CPNE2: variants seen among roughly 807,000 people sequenced by gnomAD.
CPNE2 encodes copine-2.
In CPNE2, 42 loss-of-function variants were observed where a neutral mutation model predicts 69.7. The observed-to-expected ratio is 0.60, with a 90% CI of 0.47 to 0.78. The LOEUF is 0.78. Ranked by LOEUF, CPNE2 falls within the 30% of genes least tolerant of loss-of-function variation. The pLI is 0.00. For missense variants in CPNE2, 587 were observed against 732.0 expected, an observed-to-expected ratio of 0.80 and a Z score of 2.29; for synonymous variants, 294 against 289.8, an observed-to-expected ratio of 1.01 and a Z score of -0.15.
At chr16:57,105,013 G>C (rs2069639453) in intron 1 of CPNE2, among the ~76,000 whole-genome samples, 2 of 152,284 alleles carry the variant, frequency 1.3e-5, no homozygotes, top group South Asian at 4.1e-4. Flanking sequence ...CCTGGATGAG[G>C]AGGTCACAGG....
At chr16:57,116,278 A>G (rs2069718673) in intron 4 of CPNE2, among the ~76,000 whole-genome samples, 1 of 151,874 alleles carries the variant, frequency 6.6e-6, no homozygotes, top group Admixed American at 6.6e-5. Flanking sequence ...TTCAAAGCAA[A>G]CTGAATTCTT....
chr16:57,113,559 T>A, intron 3 of CPNE2, 92 bp downstream of exon 3: 2 of 1,335,896 alleles, frequency 1.5e-6, no homozygotes, highest in Non-Finnish European at 2.0e-6. Context: ...CCTAGCCCCA[T>A]CTTCCTGGGT....
intron 9 of CPNE2, among the ~76,000 whole-genome samples, chr16:57,123,028 G>C (rs772430802): frequency 2.0e-4 from 30 of 152,060 alleles, no homozygotes; most frequent in African/African-American, 7.2e-4. Flanking sequence ...ACTTCTAGAG[G>C]AAGGCCTTGA....
chr16:57,093,595 C>G (rs1401023380), intron 1 of CPNE2, among the ~76,000 whole-genome samples: 1 of 152,104 alleles, frequency 6.6e-6, no homozygotes, highest in Non-Finnish European at 1.5e-5. Flanking sequence ...TGTGATTTGC[C>G]CAAGGTCACA....
In CPNE2 at chr16:57,129,306, C is replaced by T. The variant is rs141871494; in HGVS notation, c.1116+1403C>T. ...GCTGCTGAGTGGGGCGTGGCTAGGG[C>T]GAGAGTGGGCAGAGTGGAGGGTGGA... On this transcript the variant is annotated intron_variant, in intron 12 of 15. Transcript: ENST00000290776. Among the ~76,000 whole-genome samples the T allele has an allele frequency of 1.8e-4, 28 of 152,092 alleles. 1 individual carries two copies. In the East Asian group the frequency reaches 4.1e-3, roughly 22 times the overall value.
chr16:57,147,166 C>T (rs2145290578), intron 15 of CPNE2: 1 of 170,238 alleles, frequency 5.9e-6, no homozygotes, highest in South Asian at 2.0e-4. Flanking sequence ...CCTCCATGTG[C>T]CTGGCCTGTG....
At chr16:57,133,539 A>G (rs2069853779) in intron 12 of CPNE2, among the ~76,000 whole-genome samples, 1 of 152,096 alleles carries the variant, frequency 6.6e-6, no homozygotes, top group South Asian at 2.1e-4. Flanking sequence ...GGGACGCTGG[A>G]TGCAGGAGAG....
chr16:57,134,926 C>G, intron 13 of CPNE2, 100 bp downstream of exon 13: 1 of 1,233,096 alleles, frequency 8.1e-7, no homozygotes, highest in South Asian at 1.2e-5. Context: ...ATTTCTTTCT[C>G]CTTTCCCCTC....
At chr16:57,139,415 C>G (rs959095633) in intron 14 of CPNE2, among the ~76,000 whole-genome samples, 3 of 152,168 alleles carry the variant, frequency 2.0e-5, no homozygotes, top group Admixed American at 1.3e-4. Context: ...GGTTCAGACT[C>G]TTGGAGCCAG....
intron 1 of CPNE2, among the ~76,000 whole-genome samples, chr16:57,099,747 A>T (rs544500817): frequency 6.8e-6 from 1 of 146,028 alleles, no homozygotes; most frequent in Non-Finnish European, 1.5e-5. Flanking sequence ...GATTACAGGC[A>T]TCCGCCACCA....
chr16:57,146,479 T>C lies in CPNE2; in HGVS notation c.1539+158T>C. The C allele has an allele frequency of 1.5e-6, 1 of 659,842 alleles. No individual in the cohort carries two copies. Among genetic ancestry groups the C allele is most frequent in the Non-Finnish European group, 2.6e-6 (1 of 389,800 alleles). 40.9% of individuals were successfully genotyped at this position (659,842 alleles called of 1,614,324 possible). A position where few individuals can be genotyped will look rare whatever the true frequency, so the allele number is the denominator to read the frequency against. Reference sequence around the variant, plus strand: ...AGGGCCTGCCATGTGCCAGGCGCCGTGCCAGGCCTTGCCCCGGTGGTGGCC... The same window carrying C: ...AGGGCCTGCCATGTGCCAGGCGCCGCGCCAGGCCTTGCCCCGGTGGTGGCC... On this transcript the variant is annotated intron_variant, in intron 15 of 15. Coordinates refer to ENST00000290776, the MANE Select transcript of CPNE2 (RefSeq NM_152727.6). This position sits in a 1 kb window ranked among gnomAD's most constrained non-coding sequence, Gnocchi z 4.4.
At position 57,148,300 on chromosome 16, in the gene CPNE2, C is replaced by T. The variant is rs1164111184; in HGVS notation, c.*642C>T. The T allele has an allele frequency of 6.6e-6, 1 of 152,234 alleles. No individual in the cohort carries two copies. Among genetic ancestry groups the T allele is most frequent in the African/African-American group, 2.4e-5 (1 of 41,456 alleles). The allele number at this position is 152,234 out of a possible 1,614,324, so 9.4% of individuals were successfully genotyped here. A position where few individuals can be genotyped will look rare whatever the true frequency, so the allele number is the denominator to read the frequency against. The stretch of plus-strand genomic sequence containing the variant: ...AATCACTGCCAGTTAACAGTGATAA[C>T]CTGTTAAACTGGCACAGAACCTGGC... On this transcript the variant is annotated 3_prime_UTR_variant, in exon 16 of 16. Transcript: ENST00000290776.
intron 1 of CPNE2, among the ~76,000 whole-genome samples, chr16:57,107,825 G>C (rs921218769): frequency 3.3e-5 from 5 of 150,662 alleles, no homozygotes; most frequent in Middle Eastern, 3.5e-3. Context: ...GTTCCTGCCA[G>C]ACTGGACTGT....
chr16:57,147,504 A>C, intron 15 of CPNE2, 47 bp from the exon 16 acceptor site: 1 of 1,353,600 alleles, frequency 7.4e-7, no homozygotes, highest in South Asian at 1.5e-5. Context: ...TCCGGTCATT[A>C]ATCCTTATTC....
intron 9 of CPNE2, 63 bp downstream of exon 9, chr16:57,121,823 C>G: frequency 6.8e-7 from 1 of 1,469,184 alleles, no homozygotes; most frequent in Non-Finnish European, 9.5e-7. Context: ...AAGGGACAGA[C>G]AGAGCACTGG....
At chr16:57,123,644 T>G in intron 10 of CPNE2, 171 bp downstream of exon 10, 1 of 669,670 alleles carries the variant, frequency 1.5e-6, no homozygotes, top group South Asian at 1.8e-5. Flanking sequence ...GGCTGTCTGG[T>G]CCTGCTGGGT....
chr16:57,095,009 C>T (rs1306333113), intron 1 of CPNE2, among the ~76,000 whole-genome samples: 1 of 152,158 alleles, frequency 6.6e-6, no homozygotes. Flanking sequence ...TCAGGGTGCC[C>T]CCAGCCTGAT....
At position 57,146,165 on chromosome 16, in the gene CPNE2, C is replaced by T. The variant is rs61063080; in HGVS notation, c.1383C>T (p.Ser461=). 26 of 1,584,466 alleles carry T rather than the reference C, an allele frequency of 1.6e-5. No homozygotes were observed. The highest frequency in any genetic ancestry group is 2.3e-5 in the East Asian group (1 of 43,460). Residue 461 remains serine (S), a synonymous_variant, in exon 15 of 16, where the codon TCC becomes TCT. Coordinates refer to ENST00000290776, the MANE Select transcript of CPNE2 (RefSeq NM_152727.6). This position sits in a 1 kb window ranked among gnomAD's most constrained non-coding sequence, Gnocchi z 4.4. ...CACGGCATGCCGTGGTGCAGGCTTC[C>T]AAGCTGCCCATGTCCATCATCATCG... ...EETRHAVVQA[S]KLPMSIIIVG...
chr16:57,131,944 C>T (rs1196999011), intron 12 of CPNE2, among the ~76,000 whole-genome samples: 1 of 152,222 alleles, frequency 6.6e-6, no homozygotes, highest in Non-Finnish European at 1.5e-5. Flanking sequence ...TTCTTCCTGC[C>T]CAGAGCCCTG....
Sources: gnomAD v4.1 joint callset for allele counts (sites outside exome capture counted in the v4.1 genomes callset) on GRCh38, gnomAD v4.1.1 for gene constraint, Gnocchi (gnomAD v3.1) non-coding constraint, MANE v1.5 for transcripts, NCBI Gene and HGNC (gene_info 2026-07-23, HGNC 2026-07-21) for gene names.